The following NR5A2 variants were observed in gnomAD, a reference collection of about 807,000 sequenced individuals.
NR5A2 encodes CYP7A promoter-binding factor.
In NR5A2, 26 loss-of-function variants were observed where a neutral mutation model predicts 62.7. The ratio of observed to expected loss-of-function variants is 0.41; its 90% CI spans 0.30 to 0.58. The LOEUF (loss-of-function observed/expected upper bound fraction) is 0.58, where lower values mean the gene tolerates loss of function less well. Among genes scored for constraint, NR5A2 ranks in the 20% least tolerant of loss-of-function variants. The pLI is 0.22. For missense variants in NR5A2, 541 were observed against 669.1 expected, an observed-to-expected ratio of 0.81 and a Z score of 2.11; for synonymous variants, 246 against 241.7, an observed-to-expected ratio of 1.02 and a Z score of -0.16.
rs568907527 is a variant in NR5A2 at position 200,076,892 on chromosome 1, ATAGAT to A, written c.1110+28077_1110+28081del. Among the ~76,000 whole-genome samples the A allele has an allele frequency of 5.4e-3, 826 of 152,338 alleles. 10 individuals are homozygous for A. Among genetic ancestry groups the A allele is most frequent in the African/African-American group, 0.018 (758 of 41,590 alleles). On this transcript the variant is annotated intron_variant, in intron 5 of 7. Transcript: ENST00000367362. Reference sequence around the variant, plus strand: ...ACTAACTCACTCACTGTTAGAGATAATAGATTAATTTGTATAAATTAAATATTAAT... The same window carrying A: ...ACTAACTCACTCACTGTTAGAGATAATAATTTGTATAAATTAAATATTAAT...
At position 200,137,317 on chromosome 1, in the gene NR5A2, A is replaced by ATTT. The variant is rs775106954; in HGVS notation, c.1378+16380_1378+16382dup. Among the ~76,000 whole-genome samples, 207 of 131,138 alleles carry ATTT rather than the reference A, an allele frequency of 1.6e-3. 3 individuals are homozygous for ATTT. The highest frequency in any genetic ancestry group is 4.7e-3 in the African/African-American group (163 of 34,988). The allele number at this position is 131,138 out of a possible 152,430, so 86.0% of individuals were successfully genotyped here. On this transcript the variant is annotated intron_variant, in intron 7 of 7. Coordinates refer to ENST00000367362, the MANE Select transcript of NR5A2 (RefSeq NM_205860.3). ...AGGTGCACACCACCACACCTGGCTA[A>ATTT]TTTTTTTTTTTTTTTTTTTTATGTT... is the stretch of plus-strand genomic sequence containing the variant.
intron 1 of NR5A2, chr1:200,029,440 CTG>C (rs59817491): frequency 0.14 from 21,424 of 153,918 alleles, 2,320 homozygotes; most frequent in African/African-American, 0.31. Flanking sequence ...CCTGGAAGAA[CTG>C]TGTTTCCAGC....
chr1:200,167,362 C>A (rs1325612513), intron 7 of NR5A2, among the ~76,000 whole-genome samples: 1 of 152,156 alleles, frequency 6.6e-6, no homozygotes, highest in South Asian at 2.1e-4. Flanking sequence ...TTCTCTCTGT[C>A]TCTCCTATTT....
chr1:200,135,612 T>C (rs1667190023), intron 7 of NR5A2, among the ~76,000 whole-genome samples: 1 of 152,106 alleles, frequency 6.6e-6, no homozygotes, highest in African/African-American at 2.4e-5. Context: ...ATTGAGGTGA[T>C]ATGGCCTAAT....
chr1:200,055,138 T>G (rs148745986), intron 5 of NR5A2, among the ~76,000 whole-genome samples: 3,400 of 152,062 alleles, frequency 0.022, 61 homozygotes, highest in Non-Finnish European at 0.034. Context: ...CAAGCAGTCC[T>G]CCTACCTTGG....
At chr1:200,063,205 T>C (rs1330909577) in intron 5 of NR5A2, among the ~76,000 whole-genome samples, 1 of 151,842 alleles carries the variant, frequency 6.6e-6, no homozygotes, top group Admixed American at 6.6e-5. Flanking sequence ...TGTTTTTTTT[T>C]AGTGGAGACA....
intron 4 of NR5A2, among the ~76,000 whole-genome samples, chr1:200,047,344 A>T (rs1662415094): frequency 6.6e-6 from 1 of 152,224 alleles, no homozygotes; most frequent in African/African-American, 2.4e-5. Context: ...TGATTTTCCA[A>T]GAACATGTCC....
At chr1:200,171,688 G>A (rs1307432253) in intron 7 of NR5A2, among the ~76,000 whole-genome samples, 1 of 152,196 alleles carries the variant, frequency 6.6e-6, no homozygotes, top group Non-Finnish European at 1.5e-5. Flanking sequence ...GGTGGAGGTT[G>A]CAGTGAGCCG....
At chr1:200,145,183 G>T (rs2102352211) in intron 7 of NR5A2, among the ~76,000 whole-genome samples, 1 of 152,200 alleles carries the variant, frequency 6.6e-6, no homozygotes, top group Non-Finnish European at 1.5e-5. Context: ...GGTGTCACGT[G>T]TCTGTAGTCC....
chr1:200,081,768 T>A (rs1288140290), intron 5 of NR5A2, among the ~76,000 whole-genome samples: 3 of 62,134 alleles, frequency 4.8e-5, no homozygotes, highest in Non-Finnish European at 9.4e-5. Context: ...ATAGTCTACC[T>A]TTTTTTTTTT....
At position 200,048,403 on chromosome 1, in the gene NR5A2, C is replaced by T. The variant is rs1381405292; in HGVS notation, c.695C>T (p.Pro232Leu). The T allele has an allele frequency of 1.2e-6, 2 of 1,614,236 alleles. No homozygotes were observed. The highest frequency in any genetic ancestry group is 1.7e-6 in the Non-Finnish European group (2 of 1,180,040). The change falls in exon 5 of 8, where the codon CCT (proline) becomes CTT (leucine). Residue 232 changes from proline to leucine, a missense_variant. Physicochemically the swap from Pro to Leu is moderately conservative, Grantham distance 98. This residue lies in a region of NR5A2 where 379 missense variants were observed against 442.0 expected (regional missense o/e 0.86). Coordinates refer to ENST00000367362, the MANE Select transcript of NR5A2 (RefSeq NM_205860.3). This position sits in a 1 kb window ranked among gnomAD's most constrained non-coding sequence, Gnocchi z 4.8. ...GLPLNHAALP[P>L]TDYDRSPFVT... ...CCTCTGAACCATGCTGCCTTGCCTCCTACAGACTATGACAGAAGTCCCTTT... is the reference window on the plus strand; with the variant it reads ...CCTCTGAACCATGCTGCCTTGCCTCTTACAGACTATGACAGAAGTCCCTTT...
chr1:200,092,834 T>C (rs2102256765), intron 5 of NR5A2, among the ~76,000 whole-genome samples: 1 of 151,800 alleles, frequency 6.6e-6, no homozygotes, highest in African/African-American at 2.4e-5. Flanking sequence ...GCAGATGACT[T>C]GCTTTAAAGT....
intron 5 of NR5A2, among the ~76,000 whole-genome samples, chr1:200,077,729 CAA>C (rs397964805): frequency 1.3e-5 from 2 of 151,372 alleles, no homozygotes; most frequent in African/African-American, 2.4e-5. Flanking sequence ...GAAACAAAAA[CAA>C]ACAAACTGGC....
At chr1:200,087,351 G>C (rs1664600540) in intron 5 of NR5A2, among the ~76,000 whole-genome samples, 1 of 151,968 alleles carries the variant, frequency 6.6e-6, no homozygotes. Context: ...GAGTTTGTCA[G>C]GTCCCTTCTT....
At chr1:200,046,460 A>G (rs935405365) in intron 4 of NR5A2, among the ~76,000 whole-genome samples, 2 of 152,200 alleles carry the variant, frequency 1.3e-5, no homozygotes, top group East Asian at 1.9e-4. Flanking sequence ...ATGGTGCTAG[A>G]TACAAGAGTG....
At chr1:200,094,998 A>G (rs1443410172) in intron 5 of NR5A2, among the ~76,000 whole-genome samples, 1 of 152,166 alleles carries the variant, frequency 6.6e-6, no homozygotes, top group Admixed American at 6.5e-5. Context: ...AAGACTGGAC[A>G]TATTTGTAAG....
rs79212461 is a variant in NR5A2 at position 200,051,371 on chromosome 1, C to G, written c.1110+2553C>G. ...TTTTTCCACTATTCCTCTCTTTTCC[C>G]TCCTCTGTGGATAAATTTTACAGTG... On this transcript the variant is annotated intron_variant, in intron 5 of 7. Transcript: ENST00000367362. Among the ~76,000 whole-genome samples, 1,321 of 152,260 alleles carry G rather than the reference C, an allele frequency of 8.7e-3. 8 individuals are homozygous for G. The highest frequency in any genetic ancestry group is 0.015 in the Non-Finnish European group (1,047 of 68,022).
At chr1:200,092,232 C>G (rs1664851359) in intron 5 of NR5A2, among the ~76,000 whole-genome samples, 1 of 152,196 alleles carries the variant, frequency 6.6e-6, no homozygotes, top group Non-Finnish European at 1.5e-5. Flanking sequence ...TTTATGCTAT[C>G]TTGTCTATTT....
Position 200,048,149 on chromosome 1 carries a change from T to TC in NR5A2, c.464-17dup, listed in dbSNP as rs760231232. The TC allele has an allele frequency of 6.4e-7, 1 of 1,566,176 alleles. No individual in the cohort carries two copies. Among genetic ancestry groups the TC allele is most frequent in the South Asian group, 1.2e-5 (1 of 84,266 alleles). Reference sequence around the variant, plus strand: ...CACCTTATTTATACCTTTCCTTCCTTCCCCCCACCCCACCCCCAACAGCTG... The same window carrying TC: ...CACCTTATTTATACCTTTCCTTCCTTCCCCCCCACCCCACCCCCAACAGCTG... On this transcript the variant is annotated intron_variant, in intron 4 of 7. Transcript: ENST00000367362. This position sits in a 1 kb window ranked among gnomAD's most constrained non-coding sequence, Gnocchi z 4.8.
Sources: gnomAD v4.1 joint callset for allele counts (sites outside exome capture counted in the v4.1 genomes callset) on GRCh38, gnomAD v4.1.1 for gene constraint, gnomAD v4.1.1 regional missense constraint, Gnocchi (gnomAD v3.1) non-coding constraint, MANE v1.5 for transcripts, NCBI Gene and HGNC (gene_info 2026-07-23, HGNC 2026-07-21) for gene names.